Variants in RPS6KC1 observed in about 807,000 individuals in gnomAD.
The protein encoded by RPS6KC1 is ribosomal protein S6 kinase C1.
A neutral mutation model predicts 103.8 loss-of-function variants in RPS6KC1; 54 were observed. The ratio of observed to expected loss-of-function variants is 0.52; its 90% CI spans 0.42 to 0.65. RPS6KC1 has a LOEUF of 0.65. RPS6KC1 is among the 30% of genes least tolerant of loss of function. The pLI is 0.00. For missense variants in RPS6KC1, 1,151 were observed against 1,253.8 expected, an observed-to-expected ratio of 0.92 and a Z score of 1.24; for synonymous variants, 439 against 438.7, an observed-to-expected ratio of 1.00 and a Z score of -0.01.
At chr1:213,141,458 T>C (rs1368451144) in intron 6 of RPS6KC1, among the ~76,000 whole-genome samples, 4 of 151,986 alleles carry the variant, frequency 2.6e-5, no homozygotes, top group Non-Finnish European at 2.9e-5. Context: ...TTTTTTGAAT[T>C]TTTGTGGGGT....
chr1:213,837,684 T>C, the RPS6KC1 span, among the ~76,000 whole-genome samples: 74 of 152,112 alleles, frequency 4.9e-4, no homozygotes, highest in African/African-American at 1.8e-3. Context: ...TGTGTGTGCG[T>C]GTGTGTGTGT....
chr1:213,357,728 C>T, the RPS6KC1 span, among the ~76,000 whole-genome samples: 1 of 152,204 alleles, frequency 6.6e-6, no homozygotes, highest in Non-Finnish European at 1.5e-5. Flanking sequence ...ATTATTTTTT[C>T]AGCATTCAGA....
the RPS6KC1 span, among the ~76,000 whole-genome samples, chr1:213,371,447 G>T: frequency 6.6e-6 from 1 of 151,974 alleles, no homozygotes; most frequent in Admixed American, 6.6e-5. Flanking sequence ...AATTCTTTTG[G>T]GTGTATACCC....
chr1:213,518,837 C>T, the RPS6KC1 span, among the ~76,000 whole-genome samples: 1 of 152,124 alleles, frequency 6.6e-6, no homozygotes, highest in South Asian at 2.1e-4. Flanking sequence ...TGTGTTTTCA[C>T]ATATGTGTAT....
At chr1:213,628,266 T>G in the RPS6KC1 span, among the ~76,000 whole-genome samples, 1 of 152,214 alleles carries the variant, frequency 6.6e-6, no homozygotes, top group Non-Finnish European at 1.5e-5. Context: ...TCGGAGGTGA[T>G]GTCCCCTTTA....
intron 1 of RPS6KC1, among the ~76,000 whole-genome samples, chr1:213,064,974 CT>C (rs34664044): frequency 0.011 from 982 of 89,708 alleles, 4 homozygotes; most frequent in Admixed American, 0.016. Context: ...CGTGCCCGGC[CT>C]TTTTTTTTTT....
chr1:213,390,490 T>TG, the RPS6KC1 span, among the ~76,000 whole-genome samples: 1 of 152,230 alleles, frequency 6.6e-6, no homozygotes, highest in African/African-American at 2.4e-5. Context: ...GAGAGGCTTT[T>TG]GGACAGAAAA....
the RPS6KC1 span, among the ~76,000 whole-genome samples, chr1:213,463,886 A>G: frequency 6.6e-6 from 1 of 152,190 alleles, no homozygotes; most frequent in Non-Finnish European, 1.5e-5. Flanking sequence ...TAGGCCATTT[A>G]AGCCACTATA....
At chr1:213,053,619 T>A (rs1368872875) in intron 1 of RPS6KC1, among the ~76,000 whole-genome samples, 1 of 152,186 alleles carries the variant, frequency 6.6e-6, no homozygotes, top group African/African-American at 2.4e-5. Flanking sequence ...GAAGACAGAT[T>A]GCTTCTGGAT....
the RPS6KC1 span, among the ~76,000 whole-genome samples, chr1:213,419,741 C>T: frequency 3.9e-5 from 6 of 152,148 alleles, no homozygotes; most frequent in African/African-American, 1.4e-4. Context: ...TTTTTCTAGG[C>T]TGGCTGGCTT....
chr1:213,176,515 A>G, intron 8 of RPS6KC1, 23 bp downstream of exon 8: 4 of 1,481,230 alleles, frequency 2.7e-6, no homozygotes, highest in East Asian at 2.3e-5. Flanking sequence ...TGTCTCTTCA[A>G]GAGTTCAGTC....
chr1:213,468,293 A>T, the RPS6KC1 span, among the ~76,000 whole-genome samples: 64 of 152,224 alleles, frequency 4.2e-4, no homozygotes, highest in African/African-American at 1.5e-3. Flanking sequence ...GAATATGGAA[A>T]TGTTTGACAT....
chr1:213,642,494 A>G, the RPS6KC1 span, among the ~76,000 whole-genome samples: 3 of 152,126 alleles, frequency 2.0e-5, no homozygotes, highest in Non-Finnish European at 4.4e-5. Flanking sequence ...TATTATTTCC[A>G]GGAAAGTACT....
At chr1:213,709,262 TC>T in the RPS6KC1 span, among the ~76,000 whole-genome samples, 1 of 152,222 alleles carries the variant, frequency 6.6e-6, no homozygotes, top group Non-Finnish European at 1.5e-5. Context: ...TTCGACTTCT[TC>T]CTGGTTTAGT....
the RPS6KC1 span, among the ~76,000 whole-genome samples, chr1:213,459,060 A>T: frequency 2.0e-5 from 3 of 152,062 alleles, no homozygotes; most frequent in African/African-American, 7.2e-5. Context: ...ATTGGTCTGA[A>T]ATTTTCTTTT....
downstream of RPS6KC1, among the ~76,000 whole-genome samples, chr1:213,276,449 T>TCATGTCTCTGTGACTAATTAGC (rs2095112664): frequency 6.6e-6 from 1 of 152,202 alleles, no homozygotes; most frequent in Non-Finnish European, 1.5e-5. Context: ...GGTGTCCTGG[T>TCATGTCTCTGTGACTAATTAGC]CATGTCTCTG....
chr1:213,182,403 A>G (rs1174289665), intron 8 of RPS6KC1, among the ~76,000 whole-genome samples: 1 of 152,168 alleles, frequency 6.6e-6, no homozygotes, highest in Non-Finnish European at 1.5e-5. Flanking sequence ...AGGCATGAGA[A>G]TCGCTTAAAT....
chr1:213,056,267 A>T (rs148881503), intron 1 of RPS6KC1, among the ~76,000 whole-genome samples: 3 of 152,112 alleles, frequency 2.0e-5, no homozygotes, highest in African/African-American at 4.8e-5. Context: ...CACATTTTCA[A>T]TGAGGAAATT....
chr1:213,153,247 A>G (rs2089457285), intron 6 of RPS6KC1, among the ~76,000 whole-genome samples: 1 of 141,412 alleles, frequency 7.1e-6, no homozygotes, highest in South Asian at 2.4e-4. Flanking sequence ...GACCGTGGGG[A>G]GAGGGAGAGG....
Sources: gnomAD v4.1 joint callset for allele counts (sites outside exome capture counted in the v4.1 genomes callset) on GRCh38, gnomAD v4.1.1 for gene constraint, MANE v1.5 for transcripts, NCBI Gene and HGNC (gene_info 2026-07-23, HGNC 2026-07-21) for gene names.